PDS5A: variants seen among roughly 807,000 people sequenced by gnomAD.
PDS5A encodes sister chromatid cohesion protein PDS5 homolog A.
In PDS5A, 42 loss-of-function variants were observed where a neutral mutation model predicts 167.1. That is an observed-to-expected ratio of 0.25 (90% confidence interval 0.20 to 0.33). The LOEUF is 0.33. Ranked by LOEUF, PDS5A falls within the 10% of genes least tolerant of loss-of-function variation. The probability of loss-of-function intolerance (pLI) is 1.00; values close to 1 mark genes in which losing one functional copy is unlikely to be tolerated. For missense variants in PDS5A, 1,033 were observed against 1,605.9 expected (o/e 0.64, Z 6.10); for synonymous variants, 553 against 554.6 (o/e 1.00, Z 0.04).
At chr4:39,939,752 G>C (rs796400221) in intron 2 of PDS5A, among the ~76,000 whole-genome samples, 2 of 150,352 alleles carry the variant, frequency 1.3e-5, no homozygotes, top group African/African-American at 4.9e-5. Context: ...AGCTGAAATT[G>C]CACCACTGCA....
intron 2 of PDS5A, among the ~76,000 whole-genome samples, chr4:39,965,946 G>A (rs891953825): frequency 6.6e-6 from 1 of 152,118 alleles, no homozygotes; most frequent in African/African-American, 2.4e-5. Context: ...TTTATGTTAT[G>A]TATATTTTAC....
At position 39,849,437 on chromosome 4, in the gene PDS5A, CCAAAA is replaced by C; in HGVS notation, c.3219+78_3219+82del. On this transcript the variant is annotated intron_variant, in intron 27 of 32. Coordinates refer to ENST00000303538, the MANE Select transcript of PDS5A (RefSeq NM_001100399.2). ...CTAAAATTTAAATTACTACGTATGG[CCAAAA>C]AAAAAAAAAAAAAACCAAGTGGGAC... is the stretch of plus-strand genomic sequence containing the variant. The C allele has an allele frequency of 7.4e-6, 4 of 537,372 alleles. No individual in the cohort carries two copies. The African/African-American group carries it at 8.7e-5, about 12-fold the overall frequency. 33.3% of individuals were successfully genotyped at this position (537,372 alleles called of 1,614,324 possible). A position where few individuals can be genotyped will look rare whatever the true frequency, so the allele number is the denominator to read the frequency against.
chr4:39,918,195 AAAAAAAC>A, intron 7 of PDS5A, among the ~76,000 whole-genome samples: 1 of 151,612 alleles, frequency 6.6e-6, no homozygotes, highest in African/African-American at 2.4e-5. Flanking sequence ...AAAAAAAAAA[AAAAAAAC>A]AGAATAATTT....
At chr4:39,951,142 C>T (rs905232468) in intron 2 of PDS5A, among the ~76,000 whole-genome samples, 4 of 152,136 alleles carry the variant, frequency 2.6e-5, no homozygotes, top group Non-Finnish European at 4.4e-5. Flanking sequence ...ACCCTCATGC[C>T]TCAATCTCCC....
At chr4:39,837,546 T>G in intron 32 of PDS5A, 1 of 263,798 alleles carries the variant, frequency 3.8e-6, no homozygotes, top group South Asian at 7.9e-5. Flanking sequence ...CCTTATTTTA[T>G]GTAAACCTCT....
intron 14 of PDS5A, 144 bp downstream of exon 14, chr4:39,900,282 T>G: frequency 1.7e-6 from 1 of 573,062 alleles, no homozygotes; most frequent in Non-Finnish European, 3.1e-6. Context: ...AAATTTAGCT[T>G]GGACAACTAC....
intron 2 of PDS5A, among the ~76,000 whole-genome samples, chr4:39,941,740 A>C (rs1727242729): frequency 6.6e-6 from 1 of 152,184 alleles, no homozygotes; most frequent in African/African-American, 2.4e-5. Context: ...TTTTCATTGC[A>C]CCTAGATGGT....
At chr4:39,940,807 T>C (rs752577209) in intron 2 of PDS5A, among the ~76,000 whole-genome samples, 4 of 152,240 alleles carry the variant, frequency 2.6e-5, no homozygotes, top group African/African-American at 4.8e-5. Context: ...CATGTGCCAC[T>C]ATGCCTGGCT....
At chr4:39,863,791 A>G (rs1158334034) in intron 23 of PDS5A, among the ~76,000 whole-genome samples, 1 of 152,204 alleles carries the variant, frequency 6.6e-6, no homozygotes, top group Non-Finnish European at 1.5e-5. Context: ...TTACATCAGG[A>G]GCTGTATCCC....
intron 32 of PDS5A, among the ~76,000 whole-genome samples, chr4:39,834,626 T>C (rs1716223914): frequency 6.6e-6 from 1 of 152,212 alleles, no homozygotes; most frequent in Non-Finnish European, 1.5e-5. Context: ...TTGAAATGGT[T>C]AAACTCACAG....
At chr4:39,902,768 CT>C (rs1722990282) in intron 12 of PDS5A, among the ~76,000 whole-genome samples, 1 of 152,146 alleles carries the variant, frequency 6.6e-6, no homozygotes, top group Non-Finnish European at 1.5e-5. Flanking sequence ...GGCAATCCGC[CT>C]GCCTTAGCGT....
chr4:39,967,506 G>A (rs905637655), intron 2 of PDS5A, among the ~76,000 whole-genome samples: 1 of 151,226 alleles, frequency 6.6e-6, no homozygotes, highest in African/African-American at 2.4e-5. Context: ...TATTAGCCAA[G>A]CCTGGTGGTG....
intron 26 of PDS5A, 87 bp downstream of exon 26, chr4:39,862,132 A>G: frequency 2.0e-6 from 1 of 490,292 alleles, no homozygotes; most frequent in Non-Finnish European, 3.6e-6. Context: ...TAATGTAAAT[A>G]ATAAATAAAA....
At chr4:39,863,535 A>C in intron 23 of PDS5A, 76 bp from the exon 24 acceptor site, 1 of 1,030,400 alleles carries the variant, frequency 9.7e-7, no homozygotes. Flanking sequence ...TCCCTTTTTG[A>C]ATGTAAGGTC....
intron 32 of PDS5A, among the ~76,000 whole-genome samples, chr4:39,831,386 AC>A (rs1304302476): frequency 2.6e-5 from 4 of 152,084 alleles, no homozygotes; most frequent in African/African-American, 9.7e-5. Flanking sequence ...GGCGTGAGCC[AC>A]CGTGCCTGGC....
At chr4:39,865,586 C>T (rs930003110) in intron 23 of PDS5A, among the ~76,000 whole-genome samples, 2 of 152,222 alleles carry the variant, frequency 1.3e-5, no homozygotes, top group African/African-American at 2.4e-5. Flanking sequence ...AGTACAATGG[C>T]GTGATCTTGG....
Position 39,943,739 on chromosome 4 carries a change from G to A in PDS5A, c.139-15575C>T, listed in dbSNP as rs1033810005. The stretch of plus-strand genomic sequence containing the variant: ...TAAGAATTGCTTGAACCTGGGAGGC[G>A]GCGGTTGCAGTGAGCCGAGATCGTA... On this transcript the variant is annotated intron_variant, in intron 2 of 32. Coordinates refer to ENST00000303538, the MANE Select transcript of PDS5A (RefSeq NM_001100399.2). 1.5e-4 allele frequency among the ~76,000 whole-genome samples: 23 copies of A among 151,806 alleles called. No homozygotes were observed. The East Asian group carries it at 2.3e-3, about 15-fold the overall frequency.
Position 39,915,731 on chromosome 4 carries a change from T to A in PDS5A, c.876+1317A>T, listed in dbSNP as rs549589048. On this transcript the variant is annotated intron_variant, in intron 8 of 32. Transcript: ENST00000303538. ...AATGCAGAGTAGCACAACCTTCTAA[T>A]AAGTTCAATTTATTAGCCAATATGA... 4.5e-4 allele frequency among the ~76,000 whole-genome samples: 68 copies of A among 152,264 alleles called. 1 individual carries two copies. In the South Asian group the frequency reaches 6.4e-3, roughly 14 times the overall value.
chr4:39,959,816 C>T (rs1269334615), intron 2 of PDS5A, among the ~76,000 whole-genome samples: 2 of 151,612 alleles, frequency 1.3e-5, no homozygotes, highest in African/African-American at 4.8e-5. Context: ...TTAGGCCAGG[C>T]GTGGTGGTTC....
Sources: allele counts gnomAD v4.1 joint callset (sites outside exome capture counted in the v4.1 genomes callset), GRCh38; gene constraint gnomAD v4.1.1; transcripts MANE v1.5; gene names NCBI Gene and HGNC (gene_info 2026-07-23, HGNC 2026-07-21).